BSCL2: variants seen among roughly 807,000 people sequenced by gnomAD.
BSCL2 encodes seipin.
A neutral mutation model predicts 57.4 loss-of-function variants in BSCL2; 41 were observed. The observed-to-expected ratio is 0.71, with a 90% CI of 0.56 to 0.93. BSCL2 has a LOEUF of 0.93. Among genes scored for constraint, BSCL2 ranks in the 40% least tolerant of loss-of-function variants. The pLI, the probability that BSCL2 is intolerant of heterozygous loss-of-function variation, is 0.00. For missense variants in BSCL2, 539 were observed against 586.7 expected (o/e 0.92, Z 0.84); for synonymous variants, 237 against 227.3 (o/e 1.04, Z -0.38).
upstream of BSCL2, chr11:62,708,062 G>A: frequency 1.8e-6 from 1 of 570,304 alleles, no homozygotes; most frequent in Non-Finnish European, 3.2e-6. Flanking sequence ...TTTGTGTAAG[G>A]TTTAATGATC....
chr11:62,691,106 T>C lies in BSCL2; in HGVS notation c.1041A>G (p.Glu347=). 8 of 1,614,206 alleles carry C rather than the reference T, an allele frequency of 5.0e-6. No individual in the cohort carries two copies. The highest frequency in any genetic ancestry group is 5.9e-6 in the Non-Finnish European group (7 of 1,180,010). ...NIRKRDNSRK[E]VQRRISAHQP... is the part of the protein sequence containing the mutation. ...GATGAGCAGAGATCCTTCGTTGGAC[T>C]TCCTTCCGGGAATTGTCTCTTTTTC... Residue 347 remains glutamate, a synonymous_variant, in exon 8 of 11, where the codon GAA becomes GAG. Transcript: ENST00000360796.
At chr11:62,708,254 C>T, upstream of BSCL2, 1 of 1,313,818 alleles carries the variant, frequency 7.6e-7, no homozygotes, top group Non-Finnish European at 1.1e-6. Context: ...AGGGGGGCCT[C>T]CAGCTGAGAC....
chr11:62,701,151 G>C (rs1945626257), intron 3 of BSCL2, among the ~76,000 whole-genome samples: 2 of 152,084 alleles, frequency 1.3e-5, no homozygotes, highest in African/African-American at 2.4e-5. Context: ...TTATATAAAT[G>C]CTTTCAAAAC....
intron 3 of BSCL2, among the ~76,000 whole-genome samples, chr11:62,700,184 C>T (rs1035817427): frequency 6.6e-6 from 1 of 150,616 alleles, no homozygotes; most frequent in Non-Finnish European, 1.5e-5. Context: ...AAGGCTGCAG[C>T]GAGCCGTGAT....
At chr11:62,708,235 TGAG>T, upstream of BSCL2, 1 of 1,062,150 alleles carries the variant, frequency 9.4e-7, no homozygotes, top group Non-Finnish European at 1.5e-6. Flanking sequence ...TGGTGTGGAG[TGAG>T]CATGGAGGGG....
rs146203279 is a variant in BSCL2 at position 62,699,418 on chromosome 11, A to G, written c.486+3050T>C. ...TCACCATGTTGGTCAGGATGATCTC[A>G]AACTCCTGACCATGTGATCCGCCTG... On this transcript the variant is annotated intron_variant, in intron 3 of 10. Coordinates refer to ENST00000360796, the MANE Select transcript of BSCL2 (RefSeq NM_001122955.4). Among the ~76,000 whole-genome samples, 1,328 of 144,410 alleles carry G rather than the reference A, an allele frequency of 9.2e-3. 12 individuals carry two copies. Among genetic ancestry groups the G allele is most frequent in the African/African-American group, 0.033 (1,275 of 38,770 alleles). The allele number at this position is 144,410 out of a possible 152,430, so 94.7% of individuals were successfully genotyped here.
At chr11:62,709,154 T>C (rs1390277286), upstream of BSCL2, 2 of 473,238 alleles carry the variant, frequency 4.2e-6, no homozygotes, top group South Asian at 1.5e-5. Context: ...CACCTGGAGC[T>C]ACTGGGAGGG....
intron 3 of BSCL2, 94 bp from the exon 4 acceptor site, chr11:62,694,805 C>A: frequency 7.0e-7 from 1 of 1,436,964 alleles, no homozygotes; most frequent in Non-Finnish European, 9.5e-7. Context: ...GCAACGCCCC[C>A]AAATACTCAG....
At chr11:62,704,809 C>A (rs1251149222) in intron 2 of BSCL2, among the ~76,000 whole-genome samples, 1 of 152,182 alleles carries the variant, frequency 6.6e-6, no homozygotes, top group Non-Finnish European at 1.5e-5. Flanking sequence ...AGGGGCCAGT[C>A]AAGACGCAAG....
At chr11:62,709,514 G>C (rs1390367230), upstream of BSCL2, 1 of 453,440 alleles carries the variant, frequency 2.2e-6, no homozygotes, top group Admixed American at 2.4e-5. Flanking sequence ...GAACTCTTAG[G>C]AGGGTAGGGG....
At chr11:62,695,197 G>A (rs1233314433) in intron 3 of BSCL2, among the ~76,000 whole-genome samples, 2 of 152,102 alleles carry the variant, frequency 1.3e-5, no homozygotes, top group African/African-American at 2.4e-5. Flanking sequence ...TGTTGGTAGC[G>A]CCCCAAGACT....
At position 62,705,327 on chromosome 11, in the gene BSCL2, G is replaced by A. The variant is rs771883988; in HGVS notation, c.378C>T (p.His126=). 2.5e-6 allele frequency: 4 copies of A among 1,613,424 alleles called. No individual in the cohort carries two copies. Among genetic ancestry groups the A allele is most frequent in the African/African-American group, 1.3e-5 (1 of 75,032 alleles). ...FYYSYMPTVS[H]LSPVHFYYRT... is the part of the protein sequence containing the mutation. The stretch of plus-strand genomic sequence containing the variant: ...TGTAGTAGAAATGCACAGGGCTGAG[G>A]TGGCTGACTGTCGGCATATAGGAAT... The change falls in exon 2 of 11, where the codon CAC becomes CAT. Residue 126 remains histidine, a synonymous_variant. Coordinates refer to ENST00000360796, the MANE Select transcript of BSCL2 (RefSeq NM_001122955.4).
rs772832629 is a variant in BSCL2, at chr11:62,705,448, C to T, written c.257G>A (p.Gly86Asp). The T allele has an allele frequency of 5.6e-6, 9 of 1,614,100 alleles. No individual in the cohort carries two copies. The Admixed American group carries it at 1.3e-4, about 24-fold the overall frequency. The change falls in exon 2 of 11, where the codon GGC (glycine) becomes GAC (aspartate). Residue 86 changes from glycine (G) to aspartate (D), a missense_variant. By Grantham distance (94) the Gly-to-Asp change is moderately conservative. This residue lies in a region of BSCL2 where 218 missense variants were observed against 224.8 expected (regional missense o/e 0.97). Transcript: ENST00000360796. ...WAQEVGQVLA[G>D]RARRLLLQFG... is the part of the protein sequence containing the mutation. ...CTGCAGCAGCAGCCTGCGGGCACGG[C>T]CTGCCAAGACTTGGCCCACCTCCTG...
At position 62,691,142 on chromosome 11, in the gene BSCL2, C is replaced by A; in HGVS notation, c.1006-1G>T. On this transcript the variant is annotated splice_acceptor_variant, in intron 7 of 10. Coordinates refer to ENST00000360796, the MANE Select transcript of BSCL2 (RefSeq NM_001122955.4). LOFTEE classifies it high-confidence loss of function. ...AATTGTCTCTTTTTCGGATGTTAACCTGTGGAGGAAAAACTACTGAGCAGC... is the reference window on the plus strand; with the variant it reads ...AATTGTCTCTTTTTCGGATGTTAACATGTGGAGGAAAAACTACTGAGCAGC... The A allele has an allele frequency of 6.2e-7, 1 of 1,614,230 alleles. No homozygotes were observed. The highest frequency in any genetic ancestry group is 8.5e-7 in the Non-Finnish European group (1 of 1,180,052).
upstream of BSCL2, chr11:62,709,285 T>G (rs1024595100): frequency 4.4e-6 from 2 of 454,090 alleles, no homozygotes; most frequent in East Asian, 7.0e-5. Context: ...GGCCAATCAA[T>G]GCAGGCTAGA....
chr11:62,695,461 C>A (rs1304159596), intron 3 of BSCL2, among the ~76,000 whole-genome samples: 1 of 150,596 alleles, frequency 6.6e-6, no homozygotes, highest in Non-Finnish European at 1.5e-5. Flanking sequence ...GTAATCCCAG[C>A]ACTTTGGGAG....
intron 1 of BSCL2, chr11:62,706,137 A>C: frequency 1.1e-6 from 1 of 911,320 alleles, no homozygotes; most frequent in Non-Finnish European, 1.3e-6. Context: ...AGCGCCCTGC[A>C]GCCAACCGCC....
At chr11:62,699,445 C>T (rs560368312) in intron 3 of BSCL2, among the ~76,000 whole-genome samples, 8 of 152,090 alleles carry the variant, frequency 5.3e-5, no homozygotes, top group Non-Finnish European at 1.2e-4. Flanking sequence ...ATCCGCCTGC[C>T]TCGGCCTCCC....
intron 2 of BSCL2, among the ~76,000 whole-genome samples, chr11:62,704,531 G>A (rs1362419660): frequency 6.6e-6 from 1 of 151,794 alleles, no homozygotes; most frequent in Non-Finnish European, 1.5e-5. Flanking sequence ...GGGCGACAGA[G>A]CAAGACTCCA....
Sources: gnomAD v4.1 joint callset for allele counts (sites outside exome capture counted in the v4.1 genomes callset) on GRCh38, gnomAD v4.1.1 for gene constraint, gnomAD v4.1.1 regional missense constraint, MANE v1.5 for transcripts, NCBI Gene and HGNC (gene_info 2026-07-23, HGNC 2026-07-21) for gene names.